PTPN23: variants seen among roughly 807,000 people sequenced by gnomAD.
PTPN23 encodes tyrosine-protein phosphatase non-receptor type 23.
Under a neutral mutation model 156.3 loss-of-function variants are expected in PTPN23, and 72 were observed. The ratio of observed to expected loss-of-function variants is 0.46; its 90% CI spans 0.38 to 0.56. The LOEUF (loss-of-function observed/expected upper bound fraction) is 0.56, where lower values mean the gene tolerates loss of function less well. Ranked by LOEUF, PTPN23 falls within the 20% of genes least tolerant of loss-of-function variation. PTPN23 has a pLI of 0.00. For synonymous variants in PTPN23, 957 were observed against 899.6 expected (o/e 1.06, Z -1.14); for missense variants, 1,974 against 2,171.5 (o/e 0.91, Z 1.81).
chr3:47,409,151 T>G lies in PTPN23; in HGVS notation c.1643-12T>G, dbSNP rs941786203. 7 of 1,611,872 alleles carry G rather than the reference T, an allele frequency of 4.3e-6. No individual in the cohort carries two copies. Among genetic ancestry groups the G allele is most frequent in the Non-Finnish European group, 5.9e-6 (7 of 1,178,468 alleles). ...GGGTTTCTCTGGCCTCACTGACCACTGCTGCCCACAGAGGACAAGGCCGTG... is the reference window on the plus strand; with the variant it reads ...GGGTTTCTCTGGCCTCACTGACCACGGCTGCCCACAGAGGACAAGGCCGTG... On this transcript the variant is annotated splice_polypyrimidine_tract_variant and intron_variant, in intron 16 of 24. Transcript: ENST00000265562.
intron 14 of PTPN23, 100 bp downstream of exon 14, chr3:47,408,055 A>G: frequency 7.2e-7 from 1 of 1,393,230 alleles, no homozygotes; most frequent in Admixed American, 2.0e-5. Flanking sequence ...TGAAATGTCC[A>G]TTCCAAACAG....
At position 47,381,147 on chromosome 3, in the gene PTPN23, C is replaced by T. The variant is rs2107686364; in HGVS notation, c.51C>T (p.Ala17=). 1 of 1,593,006 alleles carries T rather than the reference C, an allele frequency of 6.3e-7. No homozygotes were observed. Among genetic ancestry groups the T allele is most frequent in the Non-Finnish European group, 8.5e-7 (1 of 1,170,338 alleles). The change falls in exon 1 of 25, where the codon GCC becomes GCT. Residue 17 remains alanine (A), a synonymous_variant. Coordinates refer to ENST00000265562, the MANE Select transcript of PTPN23 (RefSeq NM_015466.4). ...TGATCTGGCTGGACCTGAAGGAGGC[C>T]GGTGACTTTCACTTCCAGCCAGCTG... is the stretch of plus-strand genomic sequence containing the variant. ...MPMIWLDLKE[A]GDFHFQPAVK...
Position 47,412,808 on chromosome 3 carries a change from G to A in PTPN23, c.4534G>A (p.Gly1512Arg), listed in dbSNP as rs756339169. Residue 1512 changes from glycine (G) to arginine (R), a missense_variant, in exon 25 of 25, where the codon GGG (glycine) becomes AGG (arginine). Transcript: ENST00000265562. ...CAAGCTCAGCATTCGGCCTCCTGGG[G>A]GGTTGGAGTCCCCGGTTGCCAGCTT... ...IAKLSIRPPG[G>R]LESPVASLPG... 7 of 1,613,542 alleles carry A rather than the reference G, an allele frequency of 4.3e-6. No homozygotes were observed. The highest frequency in any genetic ancestry group is 5.9e-6 in the Non-Finnish European group (7 of 1,179,940).
rs143937298 is a variant in PTPN23 at position 47,381,105 on chromosome 3, C to T, written c.9C>T (p.Ala3=). 2.9e-5 allele frequency: 45 copies of T among 1,577,756 alleles called. No individual in the cohort carries two copies. Among genetic ancestry groups the T allele is most frequent in the Middle Eastern group, 1.7e-4 (1 of 6,046 alleles). Residue 3 remains alanine, a synonymous_variant, in exon 1 of 25, where the codon GCC becomes GCT. Coordinates refer to ENST00000265562, the MANE Select transcript of PTPN23 (RefSeq NM_015466.4). ...GGCGGGTGCCAGCCGCCATGGAGGCCGTGCCCCGCATGCCCATGATCTGGC... is the reference window on the plus strand; with the variant it reads ...GGCGGGTGCCAGCCGCCATGGAGGCTGTGCCCCGCATGCCCATGATCTGGC... The part of the protein sequence containing the change: ME[A]VPRMPMIWLD...
At chr3:47,384,060 A>G (rs1576207331) in intron 1 of PTPN23, among the ~76,000 whole-genome samples, 1 of 152,028 alleles carries the variant, frequency 6.6e-6, no homozygotes, top group African/African-American at 2.4e-5. Context: ...GTTTACATCA[A>G]CTGGTTAAGT....
rs150385027 is a variant in PTPN23 at position 47,409,946 on chromosome 3, G to A, written c.2148G>A (p.Pro716=). The A allele has an allele frequency of 4.1e-3, 6,464 of 1,566,536 alleles. 17 individuals carry two copies. The highest frequency in any genetic ancestry group is 5.0e-3 in the Non-Finnish European group (5,748 of 1,158,982). ...QLLDRELKKK[P]PPRPTAPKPL... ...CGCACAGGGAGCTGAAGAAGAAGCC[G>A]CCGCCACGGCCCACAGCCCCAAAGC... The change falls in exon 20 of 25, where the codon CCG becomes CCA. Residue 716 remains proline (P), a synonymous_variant. Transcript: ENST00000265562.
Position 47,410,474 on chromosome 3 carries a change from C to G in PTPN23, c.2676C>G (p.Pro892=). The change falls in exon 20 of 25, where the codon CCC becomes CCG. Residue 892 remains proline, a synonymous_variant. Coordinates refer to ENST00000265562, the MANE Select transcript of PTPN23 (RefSeq NM_015466.4). ...TTVDSIQAPI[P]SHTAPRPNPT... is the part of the protein sequence containing the mutation. Reference sequence around the variant, plus strand: ...TAGATAGCATCCAGGCGCCCATCCCCAGCCACACAGCCCCACGGCCAAACC... The same window carrying G: ...TAGATAGCATCCAGGCGCCCATCCCGAGCCACACAGCCCCACGGCCAAACC... The G allele has an allele frequency of 6.2e-7, 1 of 1,609,678 alleles. No homozygotes were observed. Among genetic ancestry groups the G allele is most frequent in the East Asian group, 2.2e-5 (1 of 44,702 alleles).
rs760743484 is a variant in PTPN23, at chr3:47,410,390, A to G, written c.2592A>G (p.Pro864=). ...CAGTTGCAGGTCTCCCCTCGGCCCCACCTCCTCAATTCTCAGGCCCCGAGT... is the reference window on the plus strand; with the variant it reads ...CAGTTGCAGGTCTCCCCTCGGCCCCGCCTCCTCAATTCTCAGGCCCCGAGT... ...APPVAGLPSA[P]PPQFSGPELA... Residue 864 remains proline, a synonymous_variant, in exon 20 of 25, where the codon CCA becomes CCG. Coordinates refer to ENST00000265562, the MANE Select transcript of PTPN23 (RefSeq NM_015466.4). 7.5e-6 allele frequency: 12 copies of G among 1,609,708 alleles called. No individual in the cohort carries two copies. Among genetic ancestry groups the G allele is most frequent in the Non-Finnish European group, 9.3e-6 (11 of 1,178,728 alleles).
rs772419662 is a variant in PTPN23, at chr3:47,408,409, A to G, written c.1249A>G (p.Ile417Val). The change falls in exon 15 of 25, where the codon ATC becomes GTC. Residue 417 changes from isoleucine to valine, a missense_variant. Physicochemically the swap from Ile to Val is conservative, Grantham distance 29. Transcript: ENST00000265562. Reference protein sequence around the residue: ...TVDNLDAYSHIPPQLMEKCAA... With the variant: ...TVDNLDAYSHVPPQLMEKCAA... The stretch of plus-strand genomic sequence containing the variant: ...GGACAACCTTGATGCCTACAGCCAC[A>G]TCCCACCCCAGCTCATGGAGAAGTG... 6.2e-7 allele frequency: 1 copy of G among 1,614,140 alleles called. No individual in the cohort carries two copies. Among genetic ancestry groups the G allele is most frequent in the Non-Finnish European group, 8.5e-7 (1 of 1,180,016 alleles).
Position 47,381,256 on chromosome 3 carries a change from C to T in PTPN23, c.84+76C>T, listed in dbSNP as rs1041676589. 1.8e-5 allele frequency: 27 copies of T among 1,531,098 alleles called. No individual in the cohort carries two copies. The Admixed American group carries it at 4.8e-4, about 27-fold the overall frequency. The allele number at this position is 1,531,098 out of a possible 1,614,324, so 94.8% of individuals were successfully genotyped here. On this transcript the variant is annotated intron_variant, in intron 1 of 24. Transcript: ENST00000265562. ...TGCAAGCGCGTGACGCCCCCCTGCG[C>T]GCCCATCACCTCCTCAGGCCCGGTC...
At chr3:47,388,738 C>T (rs1050351262) in intron 1 of PTPN23, among the ~76,000 whole-genome samples, 1 of 147,974 alleles carries the variant, frequency 6.8e-6, no homozygotes, top group African/African-American at 2.5e-5. Context: ...AATCTCGGCT[C>T]ACCACAACCT....
rs1705114310 is a variant in PTPN23, at chr3:47,406,028, C to T, written c.528C>T (p.Leu176=). ...ACATGAGCCGCCAGATCCTTACGCT[C>T]AACGTCAACCTCATGCTGGTGAGGA... ...SVDMSRQILT[L]NVNLMLGQAQ... is the part of the protein sequence containing the mutation. The change falls in exon 6 of 25, where the codon CTC becomes CTT. Residue 176 remains leucine (L), a synonymous_variant. Coordinates refer to ENST00000265562, the MANE Select transcript of PTPN23 (RefSeq NM_015466.4). This position sits in a 1 kb window ranked among gnomAD's most constrained non-coding sequence, Gnocchi z 5.8. 1 of 1,613,030 alleles carries T rather than the reference C, an allele frequency of 6.2e-7. No individual in the cohort carries two copies. Among genetic ancestry groups the T allele is most frequent in the Non-Finnish European group, 8.5e-7 (1 of 1,179,702 alleles).
chr3:47,381,409 C>T lies in PTPN23; in HGVS notation c.84+229C>T, dbSNP rs183294343. Reference sequence around the variant, plus strand: ...CTAGCACCTGCATCTTCATCTGAACCCGGTTCCCGACTTCTGCCCCGAGTC... The same window carrying T: ...CTAGCACCTGCATCTTCATCTGAACTCGGTTCCCGACTTCTGCCCCGAGTC... On this transcript the variant is annotated intron_variant, in intron 1 of 24. Transcript: ENST00000265562. Among the ~76,000 whole-genome samples the T allele has an allele frequency of 2.4e-3, 362 of 152,354 alleles. 3 individuals carry two copies. Among genetic ancestry groups the T allele is most frequent in the Middle Eastern group, 6.8e-3 (2 of 294 alleles).
Position 47,407,757 on chromosome 3 carries a change from AC to A in PTPN23, c.1065del (p.Asp355GlufsTer29). 6.2e-7 allele frequency: 1 copy of A among 1,613,964 alleles called. No homozygotes were observed. The highest frequency in any genetic ancestry group is 8.5e-7 in the Non-Finnish European group (1 of 1,179,984). The part of the protein sequence containing the change: ...NPTDPAVTGP[D>X]IFAKLVPMAA... ...ACAGACCCAGCTGTTACAGGCCCTG[AC>A]ATCTTTGCCAAACTGGTACCCATGG... On this transcript the variant is annotated frameshift_variant, in exon 13 of 25. Coordinates refer to ENST00000265562, the MANE Select transcript of PTPN23 (RefSeq NM_015466.4). LOFTEE classifies it high-confidence loss of function. The surrounding 1 kb of genome is among the most constrained non-coding windows in gnomAD (Gnocchi z 4.0).
rs755924831 is a variant in PTPN23 at position 47,407,777 on chromosome 3, C to T, written c.1084C>T (p.Pro362Ser). ...TGPDIFAKLVPMAAHEASSLY... is the reference protein window; with the variant it reads ...TGPDIFAKLVSMAAHEASSLY... ...CCCTGACATCTTTGCCAAACTGGTA[C>T]CCATGGCTGCCCACGAGGCCTCGTC... The change falls in exon 13 of 25, where the codon CCC becomes TCC. Residue 362 changes from proline (P) to serine (S), a missense_variant. By Grantham distance (74) the Pro-to-Ser change is moderately conservative (BLOSUM62 -1). Coordinates refer to ENST00000265562, the MANE Select transcript of PTPN23 (RefSeq NM_015466.4). The surrounding 1 kb of genome is among the most constrained non-coding windows in gnomAD (Gnocchi z 4.0). The T allele has an allele frequency of 9.9e-6, 16 of 1,613,998 alleles. No individual in the cohort carries two copies. In the African/African-American group the frequency reaches 2.0e-4, roughly 20 times the overall value.
chr3:47,408,039 G>A (rs1264331285), intron 14 of PTPN23, 84 bp downstream of exon 14: 1 of 1,466,858 alleles, frequency 6.8e-7, no homozygotes, highest in Non-Finnish European at 9.4e-7. Context: ...TATGCTGGGA[G>A]AGGAATGAAA....
Position 47,406,280 on chromosome 3 carries a change from G to T in PTPN23, c.547-45G>T, listed in dbSNP as rs771726315. 6.2e-7 allele frequency: 1 copy of T among 1,604,300 alleles called. No individual in the cohort carries two copies. Among genetic ancestry groups the T allele is most frequent in the Non-Finnish European group, 8.5e-7 (1 of 1,172,952 alleles). On this transcript the variant is annotated intron_variant, in intron 6 of 24. Transcript: ENST00000265562. The surrounding 1 kb of genome is among the most constrained non-coding windows in gnomAD (Gnocchi z 5.8). Reference sequence around the variant, plus strand: ...GAAGGATAAAGGGAAGGGGAAGCGGGAGGCCTTGGGTGAGCGAGGGAGTGC... The same window carrying T: ...GAAGGATAAAGGGAAGGGGAAGCGGTAGGCCTTGGGTGAGCGAGGGAGTGC...
Position 47,407,274 on chromosome 3 carries a change from G to C in PTPN23, c.865-35G>C, listed in dbSNP as rs755316518. 6.2e-7 allele frequency: 1 copy of C among 1,613,772 alleles called. No individual in the cohort carries two copies. Among genetic ancestry groups the C allele is most frequent in the Non-Finnish European group, 8.5e-7 (1 of 1,179,804 alleles). On this transcript the variant is annotated intron_variant, in intron 10 of 24. Coordinates refer to ENST00000265562, the MANE Select transcript of PTPN23 (RefSeq NM_015466.4). This position sits in a 1 kb window ranked among gnomAD's most constrained non-coding sequence, Gnocchi z 4.0. ...GGTGTCCTGGTGCCAGCCTTGGTTAGTGCTAAGGCCCCACCCCTGTCCCTA... is the reference window on the plus strand; with the variant it reads ...GGTGTCCTGGTGCCAGCCTTGGTTACTGCTAAGGCCCCACCCCTGTCCCTA...
chr3:47,399,202 T>C (rs2107706344), intron 2 of PTPN23, among the ~76,000 whole-genome samples: 1 of 152,322 alleles, frequency 6.6e-6, no homozygotes, highest in South Asian at 2.1e-4. Context: ...TTGTCCATGC[T>C]GGCTCCCACA....
Sources: gnomAD v4.1 joint callset for allele counts (sites outside exome capture counted in the v4.1 genomes callset) on GRCh38, gnomAD v4.1.1 for gene constraint, Gnocchi (gnomAD v3.1) non-coding constraint, MANE v1.5 for transcripts, NCBI Gene and HGNC (gene_info 2026-07-23, HGNC 2026-07-21) for gene names.